The following XPO5 variants were observed in gnomAD, a reference collection of about 807,000 sequenced individuals.
XPO5 encodes the protein exportin-5.
XPO5 carries 46 observed loss-of-function variants against 160.6 expected under a neutral mutation model. The observed-to-expected ratio is 0.29, with a 90% confidence interval of 0.23 to 0.37. The LOEUF is 0.37. XPO5 is among the 10% of genes least tolerant of loss of function. The probability of loss-of-function intolerance (pLI) is 1.00; values close to 1 mark genes in which losing one functional copy is unlikely to be tolerated. For synonymous variants in XPO5, 537 were observed against 519.3 expected (o/e 1.03, Z -0.46); for missense variants, 1,090 against 1,463.9 (o/e 0.74, Z 4.17).
chr6:43,567,952 A>G (rs1762782323), intron 6 of XPO5, among the ~76,000 whole-genome samples: 1 of 148,680 alleles, frequency 6.7e-6, no homozygotes, highest in South Asian at 2.1e-4. Context: ...AAAAAAAAAA[A>G]GTAAGTCTGT....
intron 20 of XPO5, among the ~76,000 whole-genome samples, chr6:43,535,805 C>T (rs1307256726): frequency 8.1e-6 from 1 of 123,706 alleles, no homozygotes. Flanking sequence ...CAGAGCGAGA[C>T]TCCATCTCAA....
intron 5 of XPO5, among the ~76,000 whole-genome samples, chr6:43,569,595 T>A (rs1049033119): frequency 6.6e-6 from 1 of 151,914 alleles, no homozygotes; most frequent in Non-Finnish European, 1.5e-5. Context: ...TAGACGGGCA[T>A]GGTGGCAGGC....
chr6:43,567,352 C>A lies in XPO5; in HGVS notation c.651G>T (p.Ala217=), dbSNP rs765845766. ...VKTDTSQESK[A]QANCRVGVAA... Reference sequence around the variant, plus strand: ...CAACTCCTACTCGACAGTTTGCTTGCGCCTACCAGAAAAGAAGTAACTTTG... The same window carrying A: ...CAACTCCTACTCGACAGTTTGCTTGAGCCTACCAGAAAAGAAGTAACTTTG... Residue 217 remains alanine (A), a splice_region_variant and synonymous_variant, in exon 7 of 32, where the codon GCG becomes GCT. Transcript: ENST00000265351. 2.5e-6 allele frequency: 4 copies of A among 1,598,512 alleles called. No individual in the cohort carries two copies. The South Asian group carries it at 3.4e-5, about 14-fold the overall frequency.
intron 4 of XPO5, 50 bp from the exon 5 acceptor site, chr6:43,570,734 T>G: frequency 6.5e-7 from 1 of 1,540,802 alleles, no homozygotes. Flanking sequence ...CTTTTCATTT[T>G]ATGTATATCC....
At chr6:43,539,170 G>T in intron 20 of XPO5, 2 of 1,111,884 alleles carry the variant, frequency 1.8e-6, no homozygotes, top group East Asian at 2.5e-5. Context: ...AGGGGACGGT[G>T]TGGGGCTTGC....
In XPO5 at chr6:43,565,668, G is replaced by A. The variant is rs118012171; in HGVS notation, c.903C>T (p.Ser301=). ...FGDVAMHYIL[S]AAQTADGGGL... is the part of the protein sequence containing the mutation. Reference sequence around the variant, plus strand: ...AAAGTAAAGATACTCACTGTGCGGCGGAGAGTATATAATGCATGGCAACAT... The same window carrying A: ...AAAGTAAAGATACTCACTGTGCGGCAGAGAGTATATAATGCATGGCAACAT... Residue 301 remains serine, a synonymous_variant, in exon 8 of 32, where the codon TCC becomes TCT. Transcript: ENST00000265351. 3,958 of 1,606,076 alleles carry A rather than the reference G, an allele frequency of 2.5e-3. 105 individuals carry two copies. In the Admixed American group the frequency reaches 0.048, roughly 19 times the overall value.
At chr6:43,525,770 G>C (rs1793546463) in intron 28 of XPO5, 69 bp downstream of exon 28, 1 of 1,519,740 alleles carries the variant, frequency 6.6e-7, no homozygotes, top group East Asian at 2.3e-5. Flanking sequence ...GCACCATAGA[G>C]CAAGAAAAGT....
rs758870292 is a variant in XPO5, at chr6:43,522,696, G to A, written c.*1172C>T. On this transcript the variant is annotated 3_prime_UTR_variant, in exon 32 of 32. Transcript: ENST00000265351. ...AAAAACTGTAGCTTCAGTCCACTTC[G>A]GCTCTCGGGGAAACCCTCTTGTCAG... 1.4e-5 allele frequency: 7 copies of A among 496,272 alleles called. No individual in the cohort carries two copies. Among genetic ancestry groups the A allele is most frequent in the Admixed American group, 2.0e-5 (1 of 49,354 alleles). 30.7% of individuals were successfully genotyped at this position (496,272 alleles called of 1,614,324 possible).
intron 27 of XPO5, chr6:43,526,235 G>A (rs531565795): frequency 4.8e-6 from 2 of 420,836 alleles, no homozygotes; most frequent in Non-Finnish European, 8.7e-6. Flanking sequence ...GGGATAAAAG[G>A]TATAGGACAA....
At position 43,531,488 on chromosome 6, in the gene XPO5, T is replaced by G; in HGVS notation, c.2531A>C (p.Tyr844Ser). 6.2e-7 allele frequency: 1 copy of G among 1,613,452 alleles called. No homozygotes were observed. The highest frequency in any genetic ancestry group is 8.5e-7 in the Non-Finnish European group (1 of 1,179,452). ...AGCATTGGTTCCTTACCAGTTTTCATAGAGGGTAGAGAAGAAACGCTGCAT... is the reference window on the plus strand; with the variant it reads ...AGCATTGGTTCCTTACCAGTTTTCAGAGAGGGTAGAGAAGAAACGCTGCAT... ...ERMQRFFSTL[Y>S]ENCFHILGKA... Residue 844 changes from tyrosine to serine, a missense_variant, in exon 22 of 32, where the codon TAT (tyrosine) becomes TCT (serine). Around this residue, in one of 3 missense-constraint regions of XPO5, gnomAD observed 810 missense variants for 1,139.0 expected, o/e 0.71. Coordinates refer to ENST00000265351, the MANE Select transcript of XPO5 (RefSeq NM_020750.3).
At chr6:43,549,707 G>C (rs1422310022) in intron 16 of XPO5, 129 bp from the exon 17 acceptor site, 26 of 1,253,416 alleles carry the variant, frequency 2.1e-5, no homozygotes, top group Non-Finnish European at 2.4e-5. Flanking sequence ...GAGTATAATG[G>C]AGTAACATTT....
Position 43,531,390 on chromosome 6 carries a change from G to A in XPO5, c.2540+89C>T, listed in dbSNP as rs145984617. The A allele has an allele frequency of 1.7e-4, 209 of 1,221,662 alleles. No homozygotes were observed. The East Asian group carries it at 3.7e-3, about 21-fold the overall frequency. 75.7% of individuals were successfully genotyped at this position (1,221,662 alleles called of 1,614,324 possible). ...ATCAAACTCTTGCCTCGCCTTACCT[G>A]TACACTAGATGAAAAGTCCAACCCA... On this transcript the variant is annotated intron_variant, in intron 22 of 31. Transcript: ENST00000265351.
chr6:43,549,491 G>A lies in XPO5; in HGVS notation c.1858C>T (p.Leu620=). The part of the protein sequence containing the change: ...KMCRDYPQLV[L]PNFDMLYNHV... ...TCAGCCAGGGTCCAGCAGCTTACCAGCACAAGCTGGGGGTAGTCACGACAC... is the reference window on the plus strand; with the variant it reads ...TCAGCCAGGGTCCAGCAGCTTACCAACACAAGCTGGGGGTAGTCACGACAC... The change falls in exon 17 of 32, where the codon CTG becomes TTG. Residue 620 remains leucine (L), a splice_region_variant and synonymous_variant. Transcript: ENST00000265351. The A allele has an allele frequency of 6.2e-7, 1 of 1,608,560 alleles. No individual in the cohort carries two copies. The highest frequency in any genetic ancestry group is 1.1e-5 in the South Asian group (1 of 90,300).
chr6:43,543,264 G>C (rs2127723312), intron 20 of XPO5, among the ~76,000 whole-genome samples: 1 of 152,242 alleles, frequency 6.6e-6, no homozygotes, highest in South Asian at 2.1e-4. Context: ...ACTAGCCTCA[G>C]CAACATAGAG....
At chr6:43,534,381 AGAG>A (rs947362077) in intron 20 of XPO5, among the ~76,000 whole-genome samples, 1 of 152,218 alleles carries the variant, frequency 6.6e-6, no homozygotes, top group African/African-American at 2.4e-5. Context: ...GTAGGAACAC[AGAG>A]GAGGTGGTAA....
At position 43,530,745 on chromosome 6, in the gene XPO5, T is replaced by A. The variant is rs1382571350; in HGVS notation, c.2620A>T (p.Ser874Cys). 2.5e-6 allele frequency: 4 copies of A among 1,613,928 alleles called. No individual in the cohort carries two copies. In the East Asian group the frequency reaches 6.7e-5, roughly 27 times the overall value. Residue 874 changes from serine to cysteine, a missense_variant, in exon 23 of 32, where the codon AGC (serine) becomes TGC (cysteine). Physicochemically the swap from Ser to Cys is moderately radical, Grantham distance 112. Transcript: ENST00000265351. ...TTGTTCAAGTTGACAAAGGCTGAGC[T>A]GAGAAGCTGGGTAGCAAGGTCCTCC... ...TVEDLATQLL[S>C]SAFVNLNNIP...
chr6:43,536,674 C>T (rs968040597), intron 20 of XPO5, among the ~76,000 whole-genome samples: 17 of 138,246 alleles, frequency 1.2e-4, no homozygotes, highest in Non-Finnish European at 1.5e-5. Context: ...GTAGGAGAAT[C>T]GCTTGAACCC....
chr6:43,546,188 AC>A (rs750506751), intron 20 of XPO5, among the ~76,000 whole-genome samples: 33 of 152,236 alleles, frequency 2.2e-4, no homozygotes, highest in Non-Finnish European at 4.7e-4. Flanking sequence ...TCATATGAAT[AC>A]CACCTAGACA....
intron 20 of XPO5, among the ~76,000 whole-genome samples, chr6:43,543,960 A>G (rs149149848): frequency 1.3e-5 from 2 of 152,176 alleles, no homozygotes; most frequent in African/African-American, 2.4e-5. Flanking sequence ...TATAGGCATG[A>G]GCTACCGCGC....
Sources: gnomAD v4.1 joint callset for allele counts (sites outside exome capture counted in the v4.1 genomes callset) on GRCh38, gnomAD v4.1.1 for gene constraint, gnomAD v4.1.1 regional missense constraint, MANE v1.5 for transcripts, NCBI Gene and HGNC (gene_info 2026-07-23, HGNC 2026-07-21) for gene names.